The following DYNC2LI1 variants were observed in gnomAD, a reference collection of about 807,000 sequenced individuals.
DYNC2LI1 encodes cytoplasmic dynein 2 light intermediate chain 1.
DYNC2LI1 carries 45 observed loss-of-function variants against 51.9 expected under a neutral mutation model. That is an observed-to-expected ratio of 0.87 (90% CI 0.68 to 1.11). The LOEUF is 1.11. DYNC2LI1 is among the 50% of genes most tolerant of loss of function. The pLI is 0.00. For missense variants in DYNC2LI1, 490 were observed against 417.4 expected (o/e 1.17, Z -1.51); for synonymous variants, 130 against 137.8 (o/e 0.94, Z 0.40).
chr2:43,797,709 G>A lies in DYNC2LI1; in HGVS notation c.654+914G>A, dbSNP rs904640652. ...TAATTTTTGTATTTTTAATAGAGAT[G>A]GGGTTTCACTATGTTGGCCAGGCTG... is the stretch of plus-strand genomic sequence containing the variant. On this transcript the variant is annotated intron_variant, in intron 8 of 12. Transcript: ENST00000260605. Among the ~76,000 whole-genome samples, 43 of 151,496 alleles carry A rather than the reference G, an allele frequency of 2.8e-4. 1 individual carries two copies. The highest frequency in any genetic ancestry group is 9.5e-4 in the African/African-American group (39 of 41,250).
rs747183698 is a variant in DYNC2LI1 at position 43,800,919 on chromosome 2, T to G, written c.731+2T>G. 6.3e-7 allele frequency: 1 copy of G among 1,579,532 alleles called. No individual in the cohort carries two copies. The highest frequency in any genetic ancestry group is 1.7e-5 in the Admixed American group (1 of 57,506). On this transcript the variant is annotated splice_donor_variant, in intron 9 of 12. Coordinates refer to ENST00000260605, the MANE Select transcript of DYNC2LI1 (RefSeq NM_016008.4). LOFTEE classifies it high-confidence loss of function. ...GTTGGCATTTGGCATTGACAAAAGG[T>G]ACTGCTAAGATATTTTTTATATCAT...
At chr2:43,805,745 C>A (rs928663487) in intron 12 of DYNC2LI1, among the ~76,000 whole-genome samples, 1 of 152,148 alleles carries the variant, frequency 6.6e-6, no homozygotes, top group Non-Finnish European at 1.5e-5. Context: ...CAGGTTCTCT[C>A]AGGAAAATGC....
chr2:43,797,515 C>G (rs1314250879), intron 8 of DYNC2LI1, among the ~76,000 whole-genome samples: 2 of 110,696 alleles, frequency 1.8e-5, no homozygotes, highest in Non-Finnish European at 3.5e-5. Context: ...AATATAACAA[C>G]TTTTTTTTTT....
At chr2:43,786,979 T>C (rs1414862581) in intron 3 of DYNC2LI1, among the ~76,000 whole-genome samples, 2 of 152,262 alleles carry the variant, frequency 1.3e-5, no homozygotes, top group Non-Finnish European at 2.9e-5. Context: ...GGCTACCACA[T>C]GCATGTGCTG....
chr2:43,818,565 A>C, the DYNC2LI1 span, among the ~76,000 whole-genome samples: 3 of 152,258 alleles, frequency 2.0e-5, no homozygotes, highest in East Asian at 1.9e-4. Context: ...ACAATGATTC[A>C]AATAATATAA....
downstream of DYNC2LI1, among the ~76,000 whole-genome samples, chr2:43,811,865 A>G (rs1255946541): frequency 6.6e-6 from 1 of 152,180 alleles, no homozygotes; most frequent in African/African-American, 2.4e-5. Context: ...AAGTGCTGGG[A>G]TTACAGGCAT....
At chr2:43,813,313 T>C, downstream of DYNC2LI1, 1 of 1,604,872 alleles carries the variant, frequency 6.2e-7, no homozygotes, top group African/African-American at 1.3e-5. Flanking sequence ...GAGCTGCCTG[T>C]CAAGGAAAAG....
At chr2:43,804,829 T>C in intron 11 of DYNC2LI1, 90 bp downstream of exon 11, 1 of 758,484 alleles carries the variant, frequency 1.3e-6, no homozygotes, top group Admixed American at 3.1e-5. Flanking sequence ...ATGATAACTT[T>C]GTTTTCATCT....
chr2:43,804,513 T>C (rs1666176194), intron 10 of DYNC2LI1, 129 bp from the exon 11 acceptor site: 1 of 603,366 alleles, frequency 1.7e-6, no homozygotes, highest in Non-Finnish European at 2.8e-6. Context: ...ATTTTTATGG[T>C]GACTATATTA....
At chr2:43,786,914 A>G (rs1020172302) in intron 3 of DYNC2LI1, among the ~76,000 whole-genome samples, 1 of 152,170 alleles carries the variant, frequency 6.6e-6, no homozygotes, top group Non-Finnish European at 1.5e-5. Flanking sequence ...CAGCGTGGCC[A>G]TCCACGCTGC....
At chr2:43,828,080 A>G in the DYNC2LI1 span, 2 of 1,613,984 alleles carry the variant, frequency 1.2e-6, no homozygotes, top group African/African-American at 2.7e-5. Context: ...GGTCTGCCAC[A>G]TGGCTCAGAC....
At chr2:43,789,822 A>T in intron 5 of DYNC2LI1, 101 bp downstream of exon 5, 1 of 967,436 alleles carries the variant, frequency 1.0e-6, no homozygotes, top group Non-Finnish European at 1.6e-6. Context: ...GCACAGTTTT[A>T]TGTTGCTGAA....
chr2:43,808,964 TACACACACACACACAC>T (rs56090427), intron 12 of DYNC2LI1, among the ~76,000 whole-genome samples: 4 of 145,574 alleles, frequency 2.7e-5, no homozygotes, highest in Admixed American at 6.9e-5. Flanking sequence ...GGACAAAGGA[TACACACACACACACAC>T]ACACACACAC....
intron 8 of DYNC2LI1, among the ~76,000 whole-genome samples, chr2:43,800,283 A>G (rs1461290868): frequency 6.6e-6 from 1 of 152,166 alleles, no homozygotes; most frequent in African/African-American, 2.4e-5. Context: ...CAGCACTGAA[A>G]ATATTCAGTA....
At chr2:43,783,326 T>C (rs917558611) in intron 2 of DYNC2LI1, among the ~76,000 whole-genome samples, 194 bp from the exon 3 acceptor site, 9 of 152,212 alleles carry the variant, frequency 5.9e-5, no homozygotes, top group African/African-American at 1.7e-4. Context: ...AGTTACACTG[T>C]GATGGAAAGT....
At chr2:43,826,311 T>C in the DYNC2LI1 span, 1 of 1,608,918 alleles carries the variant, frequency 6.2e-7, no homozygotes, top group Admixed American at 1.7e-5. Context: ...CTGGTACAAA[T>C]CTTGCCCCTG....
the DYNC2LI1 span, chr2:43,822,740 C>T: frequency 6.2e-7 from 1 of 1,612,546 alleles, no homozygotes; most frequent in African/African-American, 1.3e-5. Context: ...GCACGAGTCC[C>T]ACTAGCTCCA....
chr2:43,822,533 C>T, the DYNC2LI1 span: 2 of 984,314 alleles, frequency 2.0e-6, no homozygotes, highest in African/African-American at 3.5e-5. Context: ...TTCTCTGGCC[C>T]AGGCCCTGCC....
At chr2:43,775,671 T>G (rs1204786944) in intron 1 of DYNC2LI1, 1 of 391,704 alleles carries the variant, frequency 2.6e-6, no homozygotes, top group Non-Finnish European at 4.9e-6. Flanking sequence ...CTAATTTCTT[T>G]TCTTTTTCTT....
Sources: gnomAD v4.1 joint callset for allele counts (sites outside exome capture counted in the v4.1 genomes callset) on GRCh38, gnomAD v4.1.1 for gene constraint, MANE v1.5 for transcripts, NCBI Gene and HGNC (gene_info 2026-07-23, HGNC 2026-07-21) for gene names.